The following CRACDL variants were observed in gnomAD, a reference collection of about 807,000 sequenced individuals.
CRACDL encodes CRACD-like protein.
Under a neutral mutation model 70.6 loss-of-function variants are expected in CRACDL, and 26 were observed. The ratio of observed to expected loss-of-function variants is 0.37; its 90% CI spans 0.27 to 0.51. CRACDL has a LOEUF of 0.51. Ranked by LOEUF, CRACDL falls within the 20% of genes least tolerant of loss-of-function variation. The pLI is 0.94. For synonymous variants in CRACDL, 618 were observed against 615.2 expected (o/e 1.00, Z -0.07); for missense variants, 1,283 against 1,376.9 (o/e 0.93, Z 1.08).
intron 7 of CRACDL, among the ~76,000 whole-genome samples, chr2:98,798,443 C>CAAAAAAAA (rs70940125): frequency 1.1e-4 from 5 of 44,354 alleles, no homozygotes; most frequent in East Asian, 1.0e-3. Flanking sequence ...GACTCCGTCT[C>CAAAAAAAA]AAAAAAAAAA....
chr2:98,884,041 T>C (rs1707727980), intron 1 of CRACDL, among the ~76,000 whole-genome samples: 1 of 152,086 alleles, frequency 6.6e-6, no homozygotes, highest in South Asian at 2.1e-4. Flanking sequence ...GCGGCGTGTG[T>C]TGGGGGGATG....
chr2:98,912,348 G>A (rs1708564275), intron 1 of CRACDL, among the ~76,000 whole-genome samples: 1 of 152,212 alleles, frequency 6.6e-6, no homozygotes. Flanking sequence ...AAGGCACTGA[G>A]CCAGCCGTCT....
chr2:98,808,911 G>A (rs915868600), intron 7 of CRACDL, among the ~76,000 whole-genome samples: 1 of 152,124 alleles, frequency 6.6e-6, no homozygotes, highest in African/African-American at 2.4e-5. Context: ...ATCTGCTCCT[G>A]GGAGGTGGGC....
chr2:98,869,098 C>T lies in CRACDL; in HGVS notation c.-10-22288G>A, dbSNP rs1023056910. On this transcript the variant is annotated intron_variant, in intron 1 of 9. Transcript: ENST00000397899. The stretch of plus-strand genomic sequence containing the variant: ...CCCACCTGGGGTCAGGCCTGATGCA[C>T]TGGTAAAAGGCAGCCATCCTCCTGA... 1.0e-5 allele frequency: 13 copies of T among 1,304,218 alleles called. No individual in the cohort carries two copies. In the Admixed American group the frequency reaches 2.8e-4, roughly 28 times the overall value. 80.8% of individuals were successfully genotyped at this position (1,304,218 alleles called of 1,614,324 possible).
At chr2:98,850,551 C>A (rs1706441365) in intron 1 of CRACDL, among the ~76,000 whole-genome samples, 1 of 152,214 alleles carries the variant, frequency 6.6e-6, no homozygotes, top group Non-Finnish European at 1.5e-5. Flanking sequence ...GTCAGGCCAC[C>A]TCAGTGTCCC....
Position 98,924,955 on chromosome 2 carries a change from G to A in CRACDL, c.-11+10983C>T, listed in dbSNP as rs57459183. ...CCTAGGAGGCAGGTGCCACAACCTC[G>A]CAGAGTGCAGAGGAGGAAGGTCACC... On this transcript the variant is annotated intron_variant, in intron 1 of 9. Coordinates refer to ENST00000397899, the MANE Select transcript of CRACDL (RefSeq NM_207362.3). Among the ~76,000 whole-genome samples the A allele has an allele frequency of 3.1e-3, 472 of 152,222 alleles. 3 individuals are homozygous for A. The highest frequency in any genetic ancestry group is 0.011 in the African/African-American group (439 of 41,522).
intron 2 of CRACDL, among the ~76,000 whole-genome samples, chr2:98,845,310 C>T (rs1706211661): frequency 6.6e-6 from 1 of 151,838 alleles, no homozygotes; most frequent in Admixed American, 6.6e-5. Context: ...AATCCTCCCA[C>T]CTCTGCCTCC....
Position 98,822,812 on chromosome 2 carries a change from G to T in CRACDL, c.1461C>A (p.Pro487=), listed in dbSNP as rs956894196. ...ERIGTEPSTA[P]APSPPAPKSC... ...TCTTGGGCGCCGGCGGGCTCGGGGC[G>T]GGCGCCGTGGAGGGCTCGGTCCCAA... Residue 487 remains proline (P), a synonymous_variant, in exon 7 of 10, where the codon CCC becomes CCA. Coordinates refer to ENST00000397899, the MANE Select transcript of CRACDL (RefSeq NM_207362.3). This position sits in a 1 kb window ranked among gnomAD's most constrained non-coding sequence, Gnocchi z 4.9. The T allele has an allele frequency of 2.2e-6, 3 of 1,381,060 alleles. No homozygotes were observed. The highest frequency in any genetic ancestry group is 1.9e-6 in the Non-Finnish European group (2 of 1,072,208). The allele number at this position is 1,381,060 out of a possible 1,614,324, so 85.6% of individuals were successfully genotyped here.
chr2:98,796,288 T>C (rs1372695415), intron 8 of CRACDL, 24 bp from the exon 9 acceptor site: 5 of 1,606,078 alleles, frequency 3.1e-6, no homozygotes, highest in Admixed American at 1.7e-5. Context: ...AGACACATGC[T>C]GCCAAGTTAA....
rs1470722540 is a variant in CRACDL, at chr2:98,832,369, C to T, written c.519G>A (p.Val173=). The T allele has an allele frequency of 1.7e-5, 27 of 1,614,088 alleles. No homozygotes were observed. The highest frequency in any genetic ancestry group is 2.3e-5 in the Non-Finnish European group (27 of 1,180,050). ...TTGCCTTTATGGTGGTACCAGGACC[C>T]ACGTCGTGCAGCAGAGACATCTCTG... ...SPPEMSLLHD[V]GPGTTIKVSV... Residue 173 remains valine, a synonymous_variant, in exon 5 of 10, where the codon GTG becomes GTA. Coordinates refer to ENST00000397899, the MANE Select transcript of CRACDL (RefSeq NM_207362.3).
intron 1 of CRACDL, among the ~76,000 whole-genome samples, chr2:98,857,811 T>C (rs1394551764): frequency 1.3e-5 from 2 of 152,140 alleles, no homozygotes; most frequent in Non-Finnish European, 2.9e-5. Context: ...ATAGAACAAC[T>C]AGACCAAAGA....
At chr2:98,856,628 G>C (rs568067449) in intron 1 of CRACDL, among the ~76,000 whole-genome samples, 1 of 152,178 alleles carries the variant, frequency 6.6e-6, no homozygotes, top group South Asian at 2.1e-4. Flanking sequence ...GCATAAAATG[G>C]TATTAAAATT....
chr2:98,850,210 A>G (rs1441669142), intron 1 of CRACDL, among the ~76,000 whole-genome samples: 1 of 152,250 alleles, frequency 6.6e-6, no homozygotes, highest in African/African-American at 2.4e-5. Flanking sequence ...CAATGGGCTC[A>G]AACCACTGCC....
At chr2:98,911,527 C>T (rs1011701129) in intron 1 of CRACDL, among the ~76,000 whole-genome samples, 9 of 152,198 alleles carry the variant, frequency 5.9e-5, no homozygotes, top group African/African-American at 2.2e-4. Flanking sequence ...TCATCCAACA[C>T]GCGTTGTCCA....
chr2:98,842,288 C>A (rs1706062686), intron 2 of CRACDL, among the ~76,000 whole-genome samples: 1 of 151,426 alleles, frequency 6.6e-6, no homozygotes, highest in South Asian at 2.1e-4. Flanking sequence ...TATAACCACG[C>A]ATTTTAATAA....
intron 5 of CRACDL, among the ~76,000 whole-genome samples, chr2:98,831,984 G>A (rs376620445): frequency 5.9e-5 from 9 of 151,928 alleles, no homozygotes; most frequent in East Asian, 1.9e-4. Flanking sequence ...CCCTCCCACC[G>A]GCCAAATGTC....
At chr2:98,907,313 A>ACAAAG (rs1306602618) in intron 1 of CRACDL, among the ~76,000 whole-genome samples, 2 of 152,114 alleles carry the variant, frequency 1.3e-5, no homozygotes, top group African/African-American at 4.8e-5. Flanking sequence ...ACAAAACAAA[A>ACAAAG]CAAAACAAAA....
intron 1 of CRACDL, among the ~76,000 whole-genome samples, chr2:98,860,958 C>T (rs758180175): frequency 3.9e-5 from 6 of 152,080 alleles, no homozygotes; most frequent in African/African-American, 1.4e-4. Context: ...ATAACTTGCA[C>T]AAAGAAGGCA....
intron 1 of CRACDL, among the ~76,000 whole-genome samples, chr2:98,892,249 C>A (rs997138239): frequency 4.6e-5 from 7 of 152,046 alleles, no homozygotes; most frequent in African/African-American, 1.7e-4. Flanking sequence ...ATATTCCCAG[C>A]AGTCAGGTTT....
Sources: gnomAD v4.1 joint callset for allele counts (sites outside exome capture counted in the v4.1 genomes callset) on GRCh38, gnomAD v4.1.1 for gene constraint, Gnocchi (gnomAD v3.1) non-coding constraint, MANE v1.5 for transcripts, NCBI Gene and HGNC (gene_info 2026-07-23, HGNC 2026-07-21) for gene names.